ADGRB3: variants seen among roughly 807,000 people sequenced by gnomAD.
The protein encoded by ADGRB3 is adhesion G protein-coupled receptor B3, also known as brain-specific angiogenesis inhibitor 3.
ADGRB3 carries 37 observed loss-of-function variants against 193.4 expected under a neutral mutation model. The observed-to-expected ratio is 0.19, with a 90% CI of 0.15 to 0.25. The LOEUF (loss-of-function observed/expected upper bound fraction) is 0.25. Among genes scored for constraint, ADGRB3 ranks in the 10% least tolerant of loss-of-function variants. The pLI is 1.00. For missense variants in ADGRB3, 1,637 were observed against 1,852.9 expected (o/e 0.88, Z 2.14); for synonymous variants, 690 against 644.2 (o/e 1.07, Z -1.08).
At chr6:68,837,766 C>G (rs1185898962) in intron 3 of ADGRB3, among the ~76,000 whole-genome samples, 1 of 152,092 alleles carries the variant, frequency 6.6e-6, no homozygotes, top group Non-Finnish European at 1.5e-5. Flanking sequence ...TTTCTGAAGG[C>G]CAAGATTCCC....
chr6:69,150,842 C>T (rs9360379), intron 17 of ADGRB3, among the ~76,000 whole-genome samples: 97,142 of 151,936 alleles, frequency 0.64, 32,291 homozygotes, highest in East Asian at 0.95. Flanking sequence ...AGGACTTAGT[C>T]CTTTCTTTCA....
Position 69,065,764 on chromosome 6 carries a change from T to TACACACAC in ADGRB3, c.2436+2756_2436+2763dup, listed in dbSNP as rs3043304. The stretch of plus-strand genomic sequence containing the variant: ...CAAGCCTGAACTTCATGTATATATA[T>TACACACAC]ACACACACACACACACACACACACA... On this transcript the variant is annotated intron_variant, in intron 16 of 31. Coordinates refer to ENST00000370598, the MANE Select transcript of ADGRB3 (RefSeq NM_001704.3). Among the ~76,000 whole-genome samples, 184 of 129,274 alleles carry TACACACAC rather than the reference T, an allele frequency of 1.4e-3. 1 individual carries two copies. The highest frequency in any genetic ancestry group is 5.0e-3 in the African/African-American group (172 of 34,234). The allele number at this position is 129,274 out of a possible 152,430, so 84.8% of individuals were successfully genotyped here. A position where few individuals can be genotyped will look rare whatever the true frequency, so the allele number is the denominator to read the frequency against.
chr6:69,173,561 G>C (rs1775345045), intron 17 of ADGRB3, among the ~76,000 whole-genome samples: 1 of 152,152 alleles, frequency 6.6e-6, no homozygotes, highest in Non-Finnish European at 1.5e-5. Context: ...GAGTGATGGA[G>C]ATGAAGATGG....
chr6:68,786,945 G>A (rs1288321148), intron 3 of ADGRB3, among the ~76,000 whole-genome samples: 1 of 151,756 alleles, frequency 6.6e-6, no homozygotes, highest in Non-Finnish European at 1.5e-5. Flanking sequence ...TCATGATTTG[G>A]CTCTCTGTTT....
At chr6:69,363,344 G>T (rs930710052) in intron 29 of ADGRB3, among the ~76,000 whole-genome samples, 27 of 151,828 alleles carry the variant, frequency 1.8e-4, no homozygotes, top group African/African-American at 6.5e-4. Flanking sequence ...AATTGCTTAG[G>T]GTGACTATTT....
At chr6:68,982,060 A>G (rs928991099) in intron 10 of ADGRB3, among the ~76,000 whole-genome samples, 2 of 151,332 alleles carry the variant, frequency 1.3e-5, no homozygotes, top group African/African-American at 4.9e-5. Context: ...TAATTTTTGT[A>G]TTTTCAGTAG....
chr6:69,345,682 T>C (rs563095535), intron 26 of ADGRB3, among the ~76,000 whole-genome samples: 2 of 152,304 alleles, frequency 1.3e-5, no homozygotes, highest in Non-Finnish European at 2.9e-5. Flanking sequence ...GCATTCCCTT[T>C]GAAAACTGGC....
chr6:68,705,723 A>T (rs952594886), intron 3 of ADGRB3, among the ~76,000 whole-genome samples: 3 of 152,238 alleles, frequency 2.0e-5, no homozygotes, highest in African/African-American at 7.2e-5. Flanking sequence ...GCTAGACTGT[A>T]GTTAAAGTGA....
At chr6:69,257,179 C>T (rs1306067101) in intron 20 of ADGRB3, among the ~76,000 whole-genome samples, 1 of 152,232 alleles carries the variant, frequency 6.6e-6, no homozygotes, top group Admixed American at 6.5e-5. Context: ...TTGGTTGTGT[C>T]TCTGCCCAGC....
chr6:69,010,352 A>G (rs1348974141), intron 11 of ADGRB3, among the ~76,000 whole-genome samples: 3 of 152,232 alleles, frequency 2.0e-5, no homozygotes, highest in East Asian at 3.9e-4. Flanking sequence ...AGGAAGAGAC[A>G]TTAAAGAGGA....
chr6:68,713,513 T>G (rs1765439037), intron 3 of ADGRB3, among the ~76,000 whole-genome samples: 2 of 151,886 alleles, frequency 1.3e-5, no homozygotes, highest in South Asian at 4.1e-4. Context: ...TTTCCCTTTC[T>G]GACTATACAT....
At chr6:68,691,866 G>A (rs1344716471) in intron 3 of ADGRB3, among the ~76,000 whole-genome samples, 2 of 151,066 alleles carry the variant, frequency 1.3e-5, no homozygotes, top group African/African-American at 2.4e-5. Flanking sequence ...ATATATGTAT[G>A]TATGCAATCG....
At position 69,351,699 on chromosome 6, in the gene ADGRB3, T is replaced by C. The variant is rs182336557; in HGVS notation, c.3460-2534T>C. On this transcript the variant is annotated intron_variant, in intron 26 of 31. Transcript: ENST00000370598. The stretch of plus-strand genomic sequence containing the variant: ...GGAGTTTGGTAGTGAAAGGTATTGA[T>C]TTTATATGTGTGTGTGTTCTGAAAA... Among the ~76,000 whole-genome samples the C allele has an allele frequency of 2.3e-4, 35 of 152,350 alleles. No homozygotes were observed. The East Asian group carries it at 6.7e-3, about 29-fold the overall frequency.
At chr6:68,851,377 A>G (rs974097527) in intron 3 of ADGRB3, among the ~76,000 whole-genome samples, 2 of 151,776 alleles carry the variant, frequency 1.3e-5, no homozygotes, top group Non-Finnish European at 2.9e-5. Flanking sequence ...ATTTTTGCTC[A>G]TTTTCCTAGG....
intron 17 of ADGRB3, among the ~76,000 whole-genome samples, chr6:69,163,996 C>T (rs551826001): frequency 6.6e-6 from 1 of 152,134 alleles, no homozygotes; most frequent in Non-Finnish European, 1.5e-5. Flanking sequence ...TTAAAAATTC[C>T]CTGCCCCTCT....
At chr6:69,361,607 A>T (rs1769453057) in intron 29 of ADGRB3, 95 bp downstream of exon 29, 2 of 1,368,622 alleles carry the variant, frequency 1.5e-6, no homozygotes, top group East Asian at 4.9e-5. Flanking sequence ...TTGATGTGAC[A>T]CTGGTGTGGG....
intron 29 of ADGRB3, among the ~76,000 whole-genome samples, chr6:69,366,284 CTCAGGTA>C (rs1769566407): frequency 6.6e-6 from 1 of 152,026 alleles, no homozygotes; most frequent in Admixed American, 6.6e-5. Flanking sequence ...ATTAATTATT[CTCAGGTA>C]TCATTTCTGC....
At chr6:68,807,915 CA>C (rs1010919258) in intron 3 of ADGRB3, among the ~76,000 whole-genome samples, 5 of 152,002 alleles carry the variant, frequency 3.3e-5, no homozygotes, top group African/African-American at 9.7e-5. Context: ...ATTTAAATCC[CA>C]TTTGGTTTTC....
chr6:68,708,992 C>A (rs1261799769), intron 3 of ADGRB3, among the ~76,000 whole-genome samples: 2 of 152,038 alleles, frequency 1.3e-5, no homozygotes, highest in Non-Finnish European at 2.9e-5. Flanking sequence ...AAAGGAAATG[C>A]ATTTCTCATG....
Sources: allele counts gnomAD v4.1 joint callset (sites outside exome capture counted in the v4.1 genomes callset), GRCh38; gene constraint gnomAD v4.1.1; transcripts MANE v1.5; gene names NCBI Gene and HGNC (gene_info 2026-07-23, HGNC 2026-07-21).